XYLT1: variants seen among roughly 807,000 people sequenced by gnomAD.
The protein encoded by XYLT1 is beta-D-xylosyltransferase 1.
A neutral mutation model predicts 91.3 loss-of-function variants in XYLT1; 36 were observed. The observed-to-expected ratio is 0.39, with a 90% CI of 0.30 to 0.52. XYLT1 has a LOEUF of 0.52. XYLT1 is among the 20% of genes least tolerant of loss of function. The probability of loss-of-function intolerance (pLI) is 0.68; values close to 1 mark genes in which losing one functional copy is unlikely to be tolerated. For missense variants in XYLT1, 1,242 were observed against 1,284.5 expected, an observed-to-expected ratio of 0.97 and a Z score of 0.51; for synonymous variants, 588 against 532.0, an observed-to-expected ratio of 1.11 and a Z score of -1.45.
At chr16:17,130,561 C>T (rs1299128272) in intron 9 of XYLT1, among the ~76,000 whole-genome samples, 1 of 152,118 alleles carries the variant, frequency 6.6e-6, no homozygotes, top group African/African-American at 2.4e-5. Flanking sequence ...CAACCTCTGC[C>T]TCCCGGGTTC....
chr16:17,166,047 C>T (rs532432995), intron 5 of XYLT1, among the ~76,000 whole-genome samples: 31 of 152,354 alleles, frequency 2.0e-4, no homozygotes, highest in Admixed American at 3.9e-4. Context: ...TCTTGCAGAG[C>T]TGGCAGGCTC....
intron 2 of XYLT1, among the ~76,000 whole-genome samples, chr16:17,348,514 T>G (rs1413510617): frequency 6.6e-6 from 1 of 152,100 alleles, no homozygotes; most frequent in Non-Finnish European, 1.5e-5. Flanking sequence ...ACTGAGCCTC[T>G]CCATGCCTCA....
chr16:17,146,095 A>G (rs1329676534), intron 6 of XYLT1, among the ~76,000 whole-genome samples: 2 of 151,786 alleles, frequency 1.3e-5, no homozygotes, highest in Non-Finnish European at 3.0e-5. Flanking sequence ...AATTCCAGAA[A>G]GAATTCCCTC....
chr16:17,357,045 C>T (rs1305179693), intron 2 of XYLT1, among the ~76,000 whole-genome samples: 5 of 151,658 alleles, frequency 3.3e-5, no homozygotes, highest in Non-Finnish European at 7.4e-5. Context: ...GGCGTGGCAG[C>T]GTGCGCCTGT....
At chr16:17,374,510 T>C (rs1297175705) in intron 1 of XYLT1, among the ~76,000 whole-genome samples, 1 of 152,176 alleles carries the variant, frequency 6.6e-6, no homozygotes, top group African/African-American at 2.4e-5. Context: ...CTGAAGATTT[T>C]CAAAATAAGT....
chr16:17,164,265 C>T (rs1161001226), intron 5 of XYLT1, among the ~76,000 whole-genome samples: 1 of 150,818 alleles, frequency 6.6e-6, no homozygotes, highest in Non-Finnish European at 1.5e-5. Flanking sequence ...ATCTTATGCA[C>T]CAATGTTTGT....
At chr16:17,118,949 C>G (rs772413392) in intron 10 of XYLT1, among the ~76,000 whole-genome samples, 1 of 152,178 alleles carries the variant, frequency 6.6e-6, no homozygotes, top group Non-Finnish European at 1.5e-5. Context: ...AGCTGCCTCA[C>G]AGAGTCTTTA....
chr16:17,237,827 G>C (rs115609063), intron 3 of XYLT1, among the ~76,000 whole-genome samples: 94 of 152,232 alleles, frequency 6.2e-4, no homozygotes, highest in Admixed American at 3.3e-3. Flanking sequence ...TTAGCTGAGA[G>C]CCCAGGTAAA....
intron 1 of XYLT1, among the ~76,000 whole-genome samples, chr16:17,397,709 T>G (rs1440465840): frequency 6.6e-6 from 1 of 152,062 alleles, no homozygotes; most frequent in African/African-American, 2.4e-5. Context: ...TGGTGAATGA[T>G]AAAGCTGGAC....
rs1276664089 is a variant in XYLT1, at chr16:17,470,839, C to T, written c.-43G>A. 9 of 981,926 alleles carry T rather than the reference C, an allele frequency of 9.2e-6. No individual in the cohort carries two copies. In the Admixed American group the frequency reaches 1.9e-4, roughly 21 times the overall value. 60.8% of individuals were successfully genotyped at this position (981,926 alleles called of 1,614,324 possible). ...CGAGCGAGGCGCGGGGACCCCGGCA[C>T]GCTCCGGGCCGCCCCCGCGCTCCCC... is the stretch of plus-strand genomic sequence containing the variant. On this transcript the variant is annotated 5_prime_UTR_variant, in exon 1 of 12. In the 5' UTR this introduces an upstream ATG that the reference lacks. Transcript: ENST00000261381.
At chr16:17,449,624 C>T (rs1403936474) in intron 1 of XYLT1, among the ~76,000 whole-genome samples, 2 of 152,224 alleles carry the variant, frequency 1.3e-5, no homozygotes, top group Non-Finnish European at 2.9e-5. Context: ...GCTGACAACA[C>T]TAGGTGTTGG....
Position 17,427,965 on chromosome 16 carries a change from G to A in XYLT1, c.363+42469C>T, listed in dbSNP as rs73527418. ...ACACCTAACTTCTGACAGTACTACC[G>A]GAGAGGCGGGGGTTTGGAGGACCTT... On this transcript the variant is annotated intron_variant, in intron 1 of 11. Coordinates refer to ENST00000261381, the MANE Select transcript of XYLT1 (RefSeq NM_022166.4). Among the ~76,000 whole-genome samples, 400 of 152,022 alleles carry A rather than the reference G, an allele frequency of 2.6e-3. 2 individuals carry two copies. Among genetic ancestry groups the A allele is most frequent in the South Asian group, 8.1e-3 (39 of 4,822 alleles).
chr16:17,195,292 A>T lies in XYLT1; in HGVS notation c.1289+2920T>A, dbSNP rs142347343. On this transcript the variant is annotated intron_variant, in intron 5 of 11. Coordinates refer to ENST00000261381, the MANE Select transcript of XYLT1 (RefSeq NM_022166.4). ...GCCACTGCTAGGAATCCCAGTATAG[A>T]AGGATCTCTTTCTTATTTCCCTCCC... is the stretch of plus-strand genomic sequence containing the variant. Among the ~76,000 whole-genome samples, 52 of 152,152 alleles carry T rather than the reference A, an allele frequency of 3.4e-4. No homozygotes were observed. The East Asian group carries it at 6.4e-3, about 19-fold the overall frequency.
At chr16:17,127,322 A>G (rs2141495643) in intron 10 of XYLT1, among the ~76,000 whole-genome samples, 1 of 152,356 alleles carries the variant, frequency 6.6e-6, no homozygotes, top group Admixed American at 6.5e-5. Flanking sequence ...CTAGCAATCC[A>G]GAAAATCTTT....
chr16:17,243,439 G>C (rs1446829470), intron 3 of XYLT1, among the ~76,000 whole-genome samples: 1 of 152,002 alleles, frequency 6.6e-6, no homozygotes, highest in African/African-American at 2.4e-5. Flanking sequence ...TCAGGTTAGA[G>C]TGAGACTGGA....
At chr16:17,420,089 TGTAG>T (rs1487208215) in intron 1 of XYLT1, among the ~76,000 whole-genome samples, 101 of 152,354 alleles carry the variant, frequency 6.6e-4, no homozygotes, top group Middle Eastern at 3.4e-3. Context: ...CTTTTGTCTT[TGTAG>T]GATCAAGCCT....
At chr16:17,184,720 A>G (rs1329671465) in intron 5 of XYLT1, among the ~76,000 whole-genome samples, 1 of 152,188 alleles carries the variant, frequency 6.6e-6, no homozygotes, top group Non-Finnish European at 1.5e-5. Context: ...GCATTGCCTA[A>G]TATCTAGCAG....
chr16:17,209,056 A>G (rs1038854072), intron 3 of XYLT1, among the ~76,000 whole-genome samples: 4 of 152,194 alleles, frequency 2.6e-5, no homozygotes, highest in African/African-American at 9.6e-5. Flanking sequence ...ACAGTTTAGT[A>G]TAATAAATAT....
chr16:17,118,064 C>T, intron 10 of XYLT1, 85 bp from the exon 11 acceptor site: 5 of 1,357,526 alleles, frequency 3.7e-6, no homozygotes, highest in Non-Finnish European at 5.0e-6. Flanking sequence ...CCTTTGTTAG[C>T]TTTCATATAC....
Sources: gnomAD v4.1 joint callset for allele counts (sites outside exome capture counted in the v4.1 genomes callset) on GRCh38, gnomAD v4.1.1 for gene constraint, MANE v1.5 for transcripts, NCBI Gene and HGNC (gene_info 2026-07-23, HGNC 2026-07-21) for gene names.